Variants in SMC6 observed in about 807,000 individuals in gnomAD.
The protein encoded by SMC6 is structural maintenance of chromosomes 6.
SMC6 carries 79 observed loss-of-function variants against 142.2 expected under a neutral mutation model. The ratio of observed to expected loss-of-function variants is 0.56; its 90% CI spans 0.46 to 0.67. The LOEUF (loss-of-function observed/expected upper bound fraction) is 0.67, where lower values mean the gene tolerates loss of function less well. Among genes scored for constraint, SMC6 ranks in the 30% least tolerant of loss-of-function variants. The pLI is 0.00. For missense variants in SMC6, 1,072 were observed against 1,284.0 expected (o/e 0.83, Z 2.52); for synonymous variants, 411 against 412.4 (o/e 1.00, Z 0.04).
chr2:17,739,651 A>G (rs1481487944), intron 4 of SMC6, among the ~76,000 whole-genome samples: 2 of 152,010 alleles, frequency 1.3e-5, no homozygotes, highest in Non-Finnish European at 2.9e-5. Flanking sequence ...TCTCAAAAAA[A>G]TAAATAAATA....
intron 23 of SMC6, 51 bp from the exon 24 acceptor site, chr2:17,683,814 A>T (rs374698667): frequency 1.8e-5 from 27 of 1,528,488 alleles, no homozygotes; most frequent in Non-Finnish European, 2.3e-5. Context: ...CGTAAAAAAC[A>T]TAACAGTAGA....
intron 9 of SMC6, among the ~76,000 whole-genome samples, chr2:17,724,308 T>C (rs1321897234): frequency 6.6e-6 from 1 of 152,180 alleles, no homozygotes; most frequent in Admixed American, 6.5e-5. Flanking sequence ...AATATACTCA[T>C]CCTTGATTTT....
chr2:17,694,000 C>CAAAA (rs751816590), intron 23 of SMC6, among the ~76,000 whole-genome samples: 113 of 33,968 alleles, frequency 3.3e-3, no homozygotes, highest in East Asian at 8.6e-3. Context: ...AACTCCATCT[C>CAAAA]AAAAAAAAAA....
intron 23 of SMC6, among the ~76,000 whole-genome samples, chr2:17,693,388 C>CT (rs1469936007): frequency 6.6e-6 from 1 of 152,168 alleles, no homozygotes; most frequent in Non-Finnish European, 1.5e-5. Context: ...AGTTCATGTC[C>CT]TTTGTAGGGA....
intron 23 of SMC6, among the ~76,000 whole-genome samples, chr2:17,692,850 A>G (rs1191456505): frequency 2.6e-5 from 4 of 152,190 alleles, no homozygotes; most frequent in Non-Finnish European, 5.9e-5. Context: ...AACTCAAACA[A>G]ATTTACAAGA....
chr2:17,696,002 C>T (rs1016565682), intron 22 of SMC6, among the ~76,000 whole-genome samples: 3 of 152,174 alleles, frequency 2.0e-5, no homozygotes, highest in Non-Finnish European at 4.4e-5. Flanking sequence ...GGGCTATCCG[C>T]TTGCCAAGGT....
chr2:17,699,746 T>C (rs1447079986), intron 21 of SMC6, among the ~76,000 whole-genome samples: 1 of 152,176 alleles, frequency 6.6e-6, no homozygotes, highest in African/African-American at 2.4e-5. Flanking sequence ...AAAAAGTATG[T>C]GCTAAAAATA....
chr2:17,740,862 A>C lies in SMC6; in HGVS notation c.238+750T>G, dbSNP rs753517384. The C allele has an allele frequency of 1.9e-4, 43 of 229,038 alleles. 1 individual carries two copies. Among genetic ancestry groups the C allele is most frequent in the Admixed American group, 2.9e-4 (5 of 17,310 alleles). The allele number at this position is 229,038 out of a possible 1,614,324, so 14.2% of individuals were successfully genotyped here. A position where few individuals can be genotyped will look rare whatever the true frequency, so the allele number is the denominator to read the frequency against. On this transcript the variant is annotated intron_variant, in intron 4 of 27. Transcript: ENST00000448223. ...GAGACTCTGTCTCAAAAAAACAAAA[A>C]ACAAAAAAACAAAAAAAACCCCAAA...
In SMC6 at chr2:17,665,633, T is replaced by C; in HGVS notation, c.3162-20A>G. The C allele has an allele frequency of 1.4e-6, 2 of 1,461,672 alleles. No individual in the cohort carries two copies. The highest frequency in any genetic ancestry group is 1.4e-5 in the African/African-American group (1 of 70,882). The allele number at this position is 1,461,672 out of a possible 1,614,324, so 90.5% of individuals were successfully genotyped here. Reference sequence around the variant, plus strand: ...AGTGAACTAGAAGAAGCAAAATCAATTACTCAAATTTCCAAGAAACCTTTT... The same window carrying C: ...AGTGAACTAGAAGAAGCAAAATCAACTACTCAAATTTCCAAGAAACCTTTT... On this transcript the variant is annotated intron_variant, in intron 27 of 27. Coordinates refer to ENST00000448223, the MANE Select transcript of SMC6 (RefSeq NM_001142286.2).
At chr2:17,711,452 G>A (rs899575017) in intron 16 of SMC6, among the ~76,000 whole-genome samples, 3 of 152,100 alleles carry the variant, frequency 2.0e-5, no homozygotes, top group Non-Finnish European at 4.4e-5. Flanking sequence ...AGAAAATCTA[G>A]TCAAGTATAA....
chr2:17,738,351 TCA>T lies in SMC6; in HGVS notation c.239-27_239-26del, dbSNP rs149507080. The stretch of plus-strand genomic sequence containing the variant: ...CCTAAAGAAACAGATGTTGAAGAAA[TCA>T]CATTCATTAAAAGAAAAAGGAAAAA... On this transcript the variant is annotated intron_variant, in intron 4 of 27. Coordinates refer to ENST00000448223, the MANE Select transcript of SMC6 (RefSeq NM_001142286.2). 3.4e-3 allele frequency: 5,209 copies of T among 1,540,856 alleles called. 151 individuals are homozygous for T. The African/African-American group carries it at 0.065, about 19-fold the overall frequency.
intron 26 of SMC6, among the ~76,000 whole-genome samples, chr2:17,666,995 A>G (rs1666528073): frequency 6.6e-6 from 1 of 152,236 alleles, no homozygotes; most frequent in African/African-American, 2.4e-5. Context: ...GGGAAAAAAG[A>G]GAAACTCTTC....
Position 17,721,159 on chromosome 2 carries a change from C to T in SMC6, c.829G>A (p.Glu277Lys), listed in dbSNP as rs761404595. 5.6e-6 allele frequency: 9 copies of T among 1,610,926 alleles called. No individual in the cohort carries two copies. Among genetic ancestry groups the T allele is most frequent in the Non-Finnish European group, 7.6e-6 (9 of 1,179,154 alleles). ...MKTNLESLKH[E>K]MAWAVVNEIE... ...ATAATTACCACTGCCCAAGCCATTT[C>T]ATGTTTCAAGGACTCTAAATTAGTC... Residue 277 changes from glutamate (E) to lysine (K), a missense_variant, in exon 10 of 28, where the codon GAA becomes AAA. Glu to Lys is a moderately conservative substitution (Grantham distance 56). Around this residue, in one of 3 missense-constraint regions of SMC6, gnomAD observed 994 missense variants for 1,153.2 expected, o/e 0.86. Transcript: ENST00000448223.
rs182216976 is a variant in SMC6 at position 17,716,007 on chromosome 2, G to A, written c.1525+79C>T. On this transcript the variant is annotated intron_variant, in intron 15 of 27. Transcript: ENST00000448223. ...ATTTTAAATGAAATCATTTTATTTC[G>A]AAAACTTCATTCAATCGTTCTGAAA... 54 of 1,171,742 alleles carry A rather than the reference G, an allele frequency of 4.6e-5. No homozygotes were observed. In the Admixed American group the frequency reaches 1.3e-3, roughly 28 times the overall value. The allele number at this position is 1,171,742 out of a possible 1,614,324, so 72.6% of individuals were successfully genotyped here. A position where few individuals can be genotyped will look rare whatever the true frequency, so the allele number is the denominator to read the frequency against.
chr2:17,703,117 G>GA (rs1238161723), intron 19 of SMC6, 40 bp downstream of exon 19: 19 of 1,228,230 alleles, frequency 1.5e-5, no homozygotes, highest in East Asian at 2.6e-5. Context: ...GTAGTAAGTT[G>GA]AAAAAAACAA....
intron 25 of SMC6, 149 bp downstream of exon 25, chr2:17,678,710 A>G (rs1324939465): frequency 3.4e-6 from 2 of 581,488 alleles, no homozygotes; most frequent in Non-Finnish European, 6.0e-6. Flanking sequence ...TATGAGTTCA[A>G]GGTTACAGTG....
intron 18 of SMC6, among the ~76,000 whole-genome samples, chr2:17,703,708 AT>A: frequency 6.6e-6 from 1 of 152,048 alleles, no homozygotes; most frequent in South Asian, 2.1e-4. Context: ...TAGTAAATAT[AT>A]TTTCTCTTCC....
chr2:17,726,472 C>T lies in SMC6; in HGVS notation c.544-3G>A. 6.2e-7 allele frequency: 1 copy of T among 1,604,624 alleles called. No homozygotes were observed. The highest frequency in any genetic ancestry group is 8.5e-7 in the Non-Finnish European group (1 of 1,177,336). On this transcript the variant is annotated splice_region_variant and splice_polypyrimidine_tract_variant and intron_variant, in intron 7 of 27. Transcript: ENST00000448223. ...AAAACAGAAACTGGATTATCCACCT[C>T]AAACAAACAAAAAGTCATTTTTGAA...
At chr2:17,717,924 T>C (rs1345131071) in intron 12 of SMC6, among the ~76,000 whole-genome samples, 153 bp downstream of exon 12, 3 of 151,804 alleles carry the variant, frequency 2.0e-5, no homozygotes, top group East Asian at 3.9e-4. Flanking sequence ...GATAAGAGGC[T>C]ACAGTGAGCC....
Sources: allele counts gnomAD v4.1 joint callset (sites outside exome capture counted in the v4.1 genomes callset), GRCh38; gene constraint gnomAD v4.1.1; regional missense constraint gnomAD v4.1.1; transcripts MANE v1.5; gene names NCBI Gene and HGNC (gene_info 2026-07-23, HGNC 2026-07-21).